Variants in MUSK observed in about 807,000 individuals in gnomAD.
MUSK encodes muscle associated receptor tyrosine kinase.
A neutral mutation model predicts 88.7 loss-of-function variants in MUSK; 55 were observed. The ratio of observed to expected loss-of-function variants is 0.62; its 90% CI spans 0.50 to 0.78. The LOEUF (loss-of-function observed/expected upper bound fraction) is 0.78. Among genes scored for constraint, MUSK ranks in the 30% least tolerant of loss-of-function variants. MUSK has a pLI of 0.00. For missense variants in MUSK, 1,015 were observed against 1,074.3 expected, an observed-to-expected ratio of 0.94 and a Z score of 0.77; for synonymous variants, 387 against 391.9, an observed-to-expected ratio of 0.99 and a Z score of 0.15.
chr9:110,772,687 T>C (rs866444559), intron 9 of MUSK, among the ~76,000 whole-genome samples: 21 of 152,250 alleles, frequency 1.4e-4, no homozygotes, highest in Middle Eastern at 3.4e-3. Context: ...TCCAATAGTT[T>C]AATAGTGATG....
intron 5 of MUSK, among the ~76,000 whole-genome samples, chr9:110,726,680 G>C (rs2076888334): frequency 6.6e-6 from 1 of 151,998 alleles, no homozygotes; most frequent in African/African-American, 2.4e-5. Flanking sequence ...AAACACCATG[G>C]CCATCCCAAC....
chr9:110,670,072 G>T (rs1288060184), intron 1 of MUSK, among the ~76,000 whole-genome samples: 1 of 140,248 alleles, frequency 7.1e-6, no homozygotes, highest in African/African-American at 3.0e-5. Flanking sequence ...ATAAGATGCG[G>T]GTTTCTTCAC....
chr9:110,761,795 C>T lies in MUSK; in HGVS notation c.914-407C>T, dbSNP rs538565717. 129 of 286,706 alleles carry T rather than the reference C, an allele frequency of 4.5e-4. No homozygotes were observed. The Middle Eastern group carries it at 0.01, about 22-fold the overall frequency. The allele number at this position is 286,706 out of a possible 1,614,324, so 17.8% of individuals were successfully genotyped here. On this transcript the variant is annotated intron_variant, in intron 7 of 14. Transcript: ENST00000374448. ...TTCACCGTGTTAGCCAGGATGGTCTCGATCTCCTGACCTCATGATCCGCCC... is the reference window on the plus strand; with the variant it reads ...TTCACCGTGTTAGCCAGGATGGTCTTGATCTCCTGACCTCATGATCCGCCC...
chr9:110,776,071 T>C, intron 10 of MUSK, 108 bp downstream of exon 10: 1 of 1,292,228 alleles, frequency 7.7e-7, no homozygotes, highest in East Asian at 2.3e-5. Flanking sequence ...TTTCTAATTT[T>C]TTTTTTTTGA....
intron 3 of MUSK, among the ~76,000 whole-genome samples, chr9:110,690,345 T>C (rs1403416650): frequency 9.4e-6 from 1 of 106,896 alleles, no homozygotes; most frequent in Non-Finnish European, 1.7e-5. Context: ...TAAGTATATA[T>C]ATATTTAAAT....
At chr9:110,738,151 T>C (rs921873757) in intron 6 of MUSK, among the ~76,000 whole-genome samples, 4 of 152,268 alleles carry the variant, frequency 2.6e-5, no homozygotes, top group Middle Eastern at 3.4e-3. Flanking sequence ...TGATGTTAAT[T>C]TTTCTATCTA....
intron 5 of MUSK, among the ~76,000 whole-genome samples, chr9:110,702,051 G>C (rs34044139): frequency 6.6e-6 from 1 of 150,818 alleles, no homozygotes; most frequent in Non-Finnish European, 1.5e-5. Flanking sequence ...CCATACCTAT[G>C]ATTTAATATC....
intron 14 of MUSK, among the ~76,000 whole-genome samples, chr9:110,797,164 A>C (rs1244027460): frequency 5.3e-5 from 3 of 56,810 alleles, no homozygotes; most frequent in East Asian, 1.0e-3. Context: ...TGAATACCCA[A>C]AAAAAAAAAA....
intron 2 of MUSK, among the ~76,000 whole-genome samples, chr9:110,686,101 G>C (rs891708365): frequency 6.6e-6 from 1 of 152,056 alleles, no homozygotes; most frequent in South Asian, 2.1e-4. Context: ...GTGTTGGCAG[G>C]GCTGAGTTCC....
At chr9:110,731,803 C>CT (rs1409743365) in intron 5 of MUSK, among the ~76,000 whole-genome samples, 2 of 152,068 alleles carry the variant, frequency 1.3e-5, no homozygotes, top group East Asian at 3.9e-4. Flanking sequence ...TGAATTGACT[C>CT]TGTTTTATTT....
At chr9:110,677,960 A>G (rs2076053269) in intron 1 of MUSK, among the ~76,000 whole-genome samples, 1 of 151,958 alleles carries the variant, frequency 6.6e-6, no homozygotes, top group Admixed American at 6.5e-5. Context: ...TTCTGCCTAA[A>G]TGCATAGTAA....
chr9:110,775,518 A>G, intron 9 of MUSK: 1 of 437,322 alleles, frequency 2.3e-6, no homozygotes, highest in Non-Finnish European at 4.2e-6. Flanking sequence ...TTCCCAATCT[A>G]ATACGTTTTA....
chr9:110,739,938 C>A (rs2131854292), intron 6 of MUSK, among the ~76,000 whole-genome samples: 1 of 152,208 alleles, frequency 6.6e-6, no homozygotes, highest in East Asian at 1.9e-4. Flanking sequence ...CTGTAGTGAA[C>A]ATATATTATC....
At chr9:110,695,653 C>A in intron 4 of MUSK, 123 bp downstream of exon 4, 1 of 795,740 alleles carries the variant, frequency 1.3e-6, no homozygotes, top group Non-Finnish European at 1.9e-6. Context: ...ACATTTTAAC[C>A]AAATGTAAAT....
At chr9:110,751,225 A>G (rs901787985) in intron 7 of MUSK, among the ~76,000 whole-genome samples, 2 of 152,238 alleles carry the variant, frequency 1.3e-5, no homozygotes, top group African/African-American at 2.4e-5. Context: ...GTCCTAGCCC[A>G]GATGAGAACC....
intron 5 of MUSK, among the ~76,000 whole-genome samples, chr9:110,723,147 A>G (rs909281313): frequency 1.3e-5 from 2 of 151,910 alleles, no homozygotes; most frequent in African/African-American, 4.8e-5. Flanking sequence ...TCATCAATCA[A>G]CCAGTGGATA....
At chr9:110,730,660 T>C (rs988606554) in intron 5 of MUSK, among the ~76,000 whole-genome samples, 5 of 152,094 alleles carry the variant, frequency 3.3e-5, no homozygotes, top group African/African-American at 1.2e-4. Context: ...TATTTTTAAT[T>C]GCAACTGACT....
chr9:110,689,370 A>C lies in MUSK; in HGVS notation c.358+2102A>C, dbSNP rs866344579. On this transcript the variant is annotated intron_variant, in intron 3 of 14. Transcript: ENST00000374448. ...TATAAATATATATAAATACATATTTATATATATGTAAAAAATATAAAAATA... is the reference window on the plus strand; with the variant it reads ...TATAAATATATATAAATACATATTTCTATATATGTAAAAAATATAAAAATA... Among the ~76,000 whole-genome samples, 361 of 117,870 alleles carry C rather than the reference A, an allele frequency of 3.1e-3. 1 individual carries two copies. Among genetic ancestry groups the C allele is most frequent in the African/African-American group, 0.012 (349 of 28,290 alleles). The allele number at this position is 117,870 out of a possible 152,430, so 77.3% of individuals were successfully genotyped here.
At position 110,784,515 on chromosome 9, in the gene MUSK, A is replaced by G. The variant is rs2821145; in HGVS notation, c.1385-300A>G. ...AATATTTTATTTGATAATTTCCATG[A>G]TTTATGTCAGGTCATAGATAATATG... is the stretch of plus-strand genomic sequence containing the variant. On this transcript the variant is annotated intron_variant, in intron 11 of 14. Coordinates refer to ENST00000374448, the MANE Select transcript of MUSK (RefSeq NM_005592.4). Among the ~76,000 whole-genome samples, 82,348 of 151,836 alleles carry G rather than the reference A, an allele frequency of 0.54. 24,049 individuals carry two copies. The highest frequency in any genetic ancestry group is 0.67 in the Middle Eastern group (197 of 292).
Sources: gnomAD v4.1 joint callset for allele counts (sites outside exome capture counted in the v4.1 genomes callset) on GRCh38, gnomAD v4.1.1 for gene constraint, MANE v1.5 for transcripts, NCBI Gene and HGNC (gene_info 2026-07-23, HGNC 2026-07-21) for gene names.